Variants in C1QTNF3 observed in about 807,000 individuals in gnomAD.
C1QTNF3 encodes the protein C1q and TNF related 3.
In C1QTNF3, 26 loss-of-function variants were observed where a neutral mutation model predicts 32.6. The observed-to-expected ratio is 0.80, with a 90% CI of 0.58 to 1.11. The LOEUF is 1.11. Among genes scored for constraint, C1QTNF3 ranks in the 50% least tolerant of loss-of-function variants. The pLI is 0.00. For synonymous variants in C1QTNF3, 155 were observed against 146.0 expected, an observed-to-expected ratio of 1.06 and a Z score of -0.44; for missense variants, 362 against 398.2, an observed-to-expected ratio of 0.91 and a Z score of 0.77.
chr5:34,117,390 C>A, the C1QTNF3 span, among the ~76,000 whole-genome samples: 2 of 152,120 alleles, frequency 1.3e-5, no homozygotes, highest in Admixed American at 1.3e-4. Flanking sequence ...GAGCTTAATT[C>A]CTCCCCTCCT....
the C1QTNF3 span, among the ~76,000 whole-genome samples, chr5:34,197,937 T>A: frequency 4.0e-5 from 6 of 151,622 alleles, no homozygotes; most frequent in African/African-American, 1.5e-4. Flanking sequence ...GTCTCTTTTA[T>A]AAGGGCACTA....
chr5:34,236,570 C>CTTT, the C1QTNF3 span, among the ~76,000 whole-genome samples: 44 of 27,292 alleles, frequency 1.6e-3, no homozygotes, highest in East Asian at 7.1e-3. Context: ...TTTCTTTTTT[C>CTTT]TTTTTTTTTT....
the C1QTNF3 span, among the ~76,000 whole-genome samples, chr5:34,067,080 C>T: frequency 2.0e-5 from 3 of 152,218 alleles, no homozygotes; most frequent in African/African-American, 7.2e-5. Flanking sequence ...TAAAACATAA[C>T]AAGAGTCACA....
At chr5:34,233,984 A>T in the C1QTNF3 span, among the ~76,000 whole-genome samples, 2 of 152,110 alleles carry the variant, frequency 1.3e-5, no homozygotes, top group South Asian at 2.1e-4. Context: ...TTTCTTATTT[A>T]AAAAAATCAG....
the C1QTNF3 span, among the ~76,000 whole-genome samples, chr5:34,052,499 A>C: frequency 6.6e-6 from 1 of 152,224 alleles, no homozygotes; most frequent in African/African-American, 2.4e-5. Context: ...ATGGATGAAC[A>C]GATGGATGCA....
At chr5:34,127,119 C>T in the C1QTNF3 span, among the ~76,000 whole-genome samples, 2 of 152,196 alleles carry the variant, frequency 1.3e-5, no homozygotes, top group South Asian at 4.1e-4. Flanking sequence ...ATAAGTTACC[C>T]AGTCTCAGGT....
At chr5:34,147,044 A>C in the C1QTNF3 span, among the ~76,000 whole-genome samples, 2 of 152,226 alleles carry the variant, frequency 1.3e-5, no homozygotes, top group Non-Finnish European at 2.9e-5. Context: ...ACAAGTGGCC[A>C]AAAAGTTCAA....
the C1QTNF3 span, among the ~76,000 whole-genome samples, chr5:34,199,404 TTG>T: frequency 6.7e-6 from 1 of 149,990 alleles, no homozygotes; most frequent in Admixed American, 6.7e-5. Flanking sequence ...TGTTTGTGCC[TTG>T]TGTTTGTTTT....
the C1QTNF3 span, among the ~76,000 whole-genome samples, chr5:34,122,556 T>C: frequency 6.6e-6 from 1 of 152,238 alleles, no homozygotes; most frequent in Non-Finnish European, 1.5e-5. Context: ...CTGGTTCCTC[T>C]TGCCTGCTGA....
At chr5:34,113,021 A>T in the C1QTNF3 span, among the ~76,000 whole-genome samples, 1 of 150,238 alleles carries the variant, frequency 6.7e-6, no homozygotes, top group Non-Finnish European at 1.5e-5. Flanking sequence ...TATCATGGAG[A>T]CCCTCCCTCA....
At chr5:34,178,104 TAAAAA>T in the C1QTNF3 span, among the ~76,000 whole-genome samples, 14 of 76,502 alleles carry the variant, frequency 1.8e-4, no homozygotes, top group African/African-American at 4.9e-4. Flanking sequence ...TCATCTCTAC[TAAAAA>T]AAAAAAAAAA....
rs1318129773 is a variant in C1QTNF3, at chr5:34,043,213, T to C, written c.-88A>G. 5 of 1,389,646 alleles carry C rather than the reference T, an allele frequency of 3.6e-6. No individual in the cohort carries two copies. The African/African-American group carries it at 4.3e-5, about 12-fold the overall frequency. 86.1% of individuals were successfully genotyped at this position (1,389,646 alleles called of 1,614,324 possible). On this transcript the variant is annotated 5_prime_UTR_variant, in exon 1 of 6. Transcript: ENST00000382065. Reference sequence around the variant, plus strand: ...CTCGGGCAGATGCCAGGACTGGAGCTGAGAGCTGCAGCGGCGGAGTGGTTT... The same window carrying C: ...CTCGGGCAGATGCCAGGACTGGAGCCGAGAGCTGCAGCGGCGGAGTGGTTT...
At chr5:34,142,437 A>AT in the C1QTNF3 span, among the ~76,000 whole-genome samples, 1 of 151,346 alleles carries the variant, frequency 6.6e-6, no homozygotes, top group East Asian at 1.9e-4. Flanking sequence ...ATCTCAAAAA[A>AT]AAAAAAAACA....
At chr5:34,243,678 GCTAAGGACATAATC>G in the C1QTNF3 span, among the ~76,000 whole-genome samples, 1 of 151,832 alleles carries the variant, frequency 6.6e-6, no homozygotes, top group Non-Finnish European at 1.5e-5. Context: ...CATGGATGGA[GCTAAGGACATAATC>G]CTAAGCAAAT....
At chr5:34,078,499 A>G in the C1QTNF3 span, among the ~76,000 whole-genome samples, 5 of 151,722 alleles carry the variant, frequency 3.3e-5, no homozygotes, top group Admixed American at 2.0e-4. The surrounding 1 kb of genome is among the most constrained non-coding windows in gnomAD (Gnocchi z 4.0). Context: ...CACTTATAAA[A>G]CCATCAGATC....
chr5:34,057,540 G>T, the C1QTNF3 span, among the ~76,000 whole-genome samples: 1 of 152,180 alleles, frequency 6.6e-6, no homozygotes, highest in African/African-American at 2.4e-5. Flanking sequence ...TCTTCCCAAA[G>T]AAATTATTTT....
chr5:34,176,854 C>T, the C1QTNF3 span, among the ~76,000 whole-genome samples: 1 of 88,418 alleles, frequency 1.1e-5, no homozygotes, highest in Non-Finnish European at 2.7e-5. Flanking sequence ...AAGACCCTAT[C>T]TCATGAATGA....
intron 5 of C1QTNF3, among the ~76,000 whole-genome samples, chr5:34,022,717 G>T (rs947891110): frequency 6.6e-6 from 1 of 152,162 alleles, no homozygotes; most frequent in African/African-American, 2.4e-5. Flanking sequence ...ATGTGACTAA[G>T]TTCTCTGAAC....
the C1QTNF3 span, among the ~76,000 whole-genome samples, chr5:34,129,790 T>C: frequency 2.0e-5 from 3 of 151,790 alleles, no homozygotes; most frequent in African/African-American, 7.3e-5. Context: ...AACCTCTATA[T>C]TTCTCCCCAC....
Sources: allele counts gnomAD v4.1 joint callset (sites outside exome capture counted in the v4.1 genomes callset), GRCh38; gene constraint gnomAD v4.1.1; non-coding constraint Gnocchi (gnomAD v3.1); transcripts MANE v1.5; gene names NCBI Gene and HGNC (gene_info 2026-07-23, HGNC 2026-07-21).